Variants in PRDM16 observed in about 807,000 individuals in gnomAD.
PRDM16 encodes the protein histone-lysine N-methyltransferase PRDM16.
PRDM16 carries 23 observed loss-of-function variants against 110.6 expected under a neutral mutation model. That is an observed-to-expected ratio of 0.21 (90% CI 0.15 to 0.29). The LOEUF (loss-of-function observed/expected upper bound fraction) is 0.29. PRDM16 is among the 10% of genes least tolerant of loss of function. The pLI, the probability that PRDM16 is intolerant of heterozygous loss-of-function variation, is 1.00. For synonymous variants in PRDM16, 799 were observed against 781.8 expected, an observed-to-expected ratio of 1.02 and a Z score of -0.37; for missense variants, 1,615 against 1,794.3, an observed-to-expected ratio of 0.90 and a Z score of 1.81.
intron 1 of PRDM16, among the ~76,000 whole-genome samples, chr1:3,185,010 A>G (rs1351342123): frequency 6.6e-6 from 1 of 152,100 alleles, no homozygotes; most frequent in East Asian, 1.9e-4. Context: ...TCCACTACTC[A>G]TCCGTTCCCT....
chr1:3,200,712 G>A (rs1021003193), intron 2 of PRDM16, among the ~76,000 whole-genome samples: 2 of 151,954 alleles, frequency 1.3e-5, no homozygotes, highest in African/African-American at 2.4e-5. Context: ...TCCCCGGCAC[G>A]CGTGGCCCTC....
chr1:3,218,268 T>G (rs1020777244), intron 2 of PRDM16, among the ~76,000 whole-genome samples: 5 of 152,204 alleles, frequency 3.3e-5, no homozygotes, highest in Non-Finnish European at 5.9e-5. Flanking sequence ...CATTCCGGCT[T>G]CATATTCACA....
intron 1 of PRDM16, among the ~76,000 whole-genome samples, chr1:3,126,119 C>T (rs1643199527): frequency 6.6e-6 from 1 of 152,216 alleles, no homozygotes; most frequent in Non-Finnish European, 1.5e-5. Context: ...ATATTCCAAA[C>T]CGAACTGTCT....
At chr1:3,219,025 G>A (rs1639094162) in intron 2 of PRDM16, among the ~76,000 whole-genome samples, 1 of 152,210 alleles carries the variant, frequency 6.6e-6, no homozygotes, top group African/African-American at 2.4e-5. Context: ...GTGCCGGGCT[G>A]AGCGGAGAGC....
intron 1 of PRDM16, among the ~76,000 whole-genome samples, chr1:3,107,243 T>C (rs1642679488): frequency 6.6e-6 from 1 of 152,220 alleles, no homozygotes; most frequent in Non-Finnish European, 1.5e-5. Flanking sequence ...CCCCACCCTG[T>C]TGGTCTTGGG....
chr1:3,427,769 G>A (rs1638651605), intron 14 of PRDM16, among the ~76,000 whole-genome samples: 1 of 152,104 alleles, frequency 6.6e-6, no homozygotes, highest in South Asian at 2.1e-4. Flanking sequence ...AGCTGGCTCT[G>A]GGCCGTGGTC....
At chr1:3,219,489 G>A (rs1261907159) in intron 2 of PRDM16, among the ~76,000 whole-genome samples, 1 of 152,218 alleles carries the variant, frequency 6.6e-6, no homozygotes, top group Non-Finnish European at 1.5e-5. Context: ...GGTCCAGCGT[G>A]GGAGGAGAGC....
At chr1:3,274,355 C>G (rs1228893725) in intron 3 of PRDM16, among the ~76,000 whole-genome samples, 1 of 152,150 alleles carries the variant, frequency 6.6e-6, no homozygotes, top group African/African-American at 2.4e-5. Context: ...TCACATTTCT[C>G]TCCCCTTGCT....
intron 1 of PRDM16, among the ~76,000 whole-genome samples, chr1:3,174,627 G>A (rs1644064855): frequency 6.6e-6 from 1 of 152,166 alleles, no homozygotes. Context: ...TGTGAAGGTA[G>A]CCAGGCTGGG....
intron 3 of PRDM16, among the ~76,000 whole-genome samples, chr1:3,331,616 C>T (rs551161612): frequency 6.6e-6 from 1 of 152,306 alleles, no homozygotes; most frequent in African/African-American, 2.4e-5. Context: ...ACACATTCGT[C>T]CAAATCCTCT....
Position 3,433,899 on chromosome 1 carries a change from C to T in PRDM16, c.*88C>T. The T allele has an allele frequency of 7.3e-7, 1 of 1,366,290 alleles. No individual in the cohort carries two copies. The highest frequency in any genetic ancestry group is 2.4e-5 in the East Asian group (1 of 42,156). The allele number at this position is 1,366,290 out of a possible 1,614,324, so 84.6% of individuals were successfully genotyped here. A position where few individuals can be genotyped will look rare whatever the true frequency, so the allele number is the denominator to read the frequency against. ...GGCGGGGCCCCGGAGAACCCTGTCC[C>T]TGCGTGTGGCCACTCCTCAGCATCC... is the stretch of plus-strand genomic sequence containing the variant. On this transcript the variant is annotated 3_prime_UTR_variant, in exon 17 of 17. Transcript: ENST00000270722.
At chr1:3,298,780 T>TCGTAGACCAAGGGGC (rs897686705) in intron 3 of PRDM16, among the ~76,000 whole-genome samples, 3 of 152,000 alleles carry the variant, frequency 2.0e-5, no homozygotes, top group East Asian at 3.9e-4. Context: ...GCTGTAGGAG[T>TCGTAGACCAAGGGGC]CGTAGACCAA....
intron 2 of PRDM16, among the ~76,000 whole-genome samples, chr1:3,197,173 C>T (rs114146934): frequency 0.019 from 2,868 of 152,310 alleles, 94 homozygotes; most frequent in African/African-American, 0.065. Context: ...TCTCCTCCCC[C>T]TCCCAGTGCA....
chr1:3,234,415 G>A (rs547645505), intron 2 of PRDM16, among the ~76,000 whole-genome samples: 165 of 152,262 alleles, frequency 1.1e-3, no homozygotes, highest in African/African-American at 1.8e-3. Context: ...AGGCTGCCCC[G>A]GCCAGGCCAC....
chr1:3,307,432 A>G (rs1380935680), intron 3 of PRDM16: 1 of 152,222 alleles, frequency 6.6e-6, no homozygotes, highest in Non-Finnish European at 1.5e-5. Flanking sequence ...GGTTTCAGAT[A>G]AATCTGGGTG....
intron 3 of PRDM16, among the ~76,000 whole-genome samples, chr1:3,356,396 C>T (rs116784950): frequency 0.019 from 2,844 of 152,270 alleles, 40 homozygotes; most frequent in Non-Finnish European, 0.022. Flanking sequence ...GAGGGAGGTC[C>T]GACGCCGTGT....
chr1:3,429,849 G>A (rs1638718736), intron 14 of PRDM16, among the ~76,000 whole-genome samples: 1 of 152,240 alleles, frequency 6.6e-6, no homozygotes, highest in Non-Finnish European at 1.5e-5. Flanking sequence ...CGTGCACACA[G>A]GCGAGTCCGA....
chr1:3,146,530 T>C (rs926331233), intron 1 of PRDM16, among the ~76,000 whole-genome samples: 1 of 149,068 alleles, frequency 6.7e-6, no homozygotes, highest in Non-Finnish European at 1.5e-5. Context: ...GTGTGGGGTG[T>C]GTGTGCACGT....
chr1:3,320,348 G>A (rs754625499), intron 3 of PRDM16, among the ~76,000 whole-genome samples: 5 of 152,164 alleles, frequency 3.3e-5, no homozygotes, highest in Non-Finnish European at 7.4e-5. Context: ...GTATGCACAC[G>A]TGCACACACT....
Sources: allele counts gnomAD v4.1 joint callset (sites outside exome capture counted in the v4.1 genomes callset), GRCh38; gene constraint gnomAD v4.1.1; transcripts MANE v1.5; gene names NCBI Gene and HGNC (gene_info 2026-07-23, HGNC 2026-07-21).